DNAH8: variants seen among roughly 807,000 people sequenced by gnomAD.
DNAH8 encodes axonemal beta dynein heavy chain 8.
In DNAH8, 382 loss-of-function variants were observed where a neutral mutation model predicts 562.1. That is an observed-to-expected ratio of 0.68 (90% confidence interval 0.63 to 0.74). The LOEUF (loss-of-function observed/expected upper bound fraction) is 0.74, where lower values mean the gene tolerates loss of function less well. Among genes scored for constraint, DNAH8 ranks in the 30% least tolerant of loss-of-function variants. The pLI, the probability that DNAH8 is intolerant of heterozygous loss-of-function variation, is 0.00. For missense variants in DNAH8, 5,203 were observed against 5,620.4 expected, an observed-to-expected ratio of 0.93 and a Z score of 2.37; for synonymous variants, 1,881 against 1,919.4, an observed-to-expected ratio of 0.98 and a Z score of 0.52.
intron 58 of DNAH8, among the ~76,000 whole-genome samples, chr6:38,891,876 T>G (rs150154284): frequency 1.1e-4 from 17 of 152,210 alleles, no homozygotes; most frequent in African/African-American, 3.9e-4. Flanking sequence ...CTTTACCTCT[T>G]TAATCCATTC....
chr6:38,884,307 T>C lies in DNAH8; in HGVS notation c.8259+309T>C, dbSNP rs113748903. On this transcript the variant is annotated intron_variant, in intron 56 of 92. Transcript: ENST00000327475. ...GCACCCATTAACTCGTCATTTAACATTTTGAGACGGAGTCTTGCTCTCTCA... is the reference window on the plus strand; with the variant it reads ...GCACCCATTAACTCGTCATTTAACACTTTGAGACGGAGTCTTGCTCTCTCA... Among the ~76,000 whole-genome samples, 909 of 152,272 alleles carry C rather than the reference T, an allele frequency of 6.0e-3. 7 individuals carry two copies. Among genetic ancestry groups the C allele is most frequent in the African/African-American group, 0.019 (799 of 41,558 alleles).
At chr6:39,003,393 T>C (rs1386592780) in intron 88 of DNAH8, among the ~76,000 whole-genome samples, 1 of 152,232 alleles carries the variant, frequency 6.6e-6, no homozygotes, top group East Asian at 1.9e-4. Flanking sequence ...TTATGGGGAT[T>C]TATTTTTCTC....
intron 65 of DNAH8, 122 bp downstream of exon 65, chr6:38,909,866 T>A (rs1780753689): frequency 1.2e-6 from 1 of 850,168 alleles, no homozygotes; most frequent in Non-Finnish European, 1.8e-6. Context: ...TATTTTTAGA[T>A]CTTTCTTGCT....
At chr6:38,750,212 T>C (rs1055924988) in intron 8 of DNAH8, among the ~76,000 whole-genome samples, 2 of 152,194 alleles carry the variant, frequency 1.3e-5, no homozygotes, top group African/African-American at 2.4e-5. Context: ...CCTGAAAAAG[T>C]CATTCCTGTT....
chr6:38,953,842 C>CT (rs76740008), intron 82 of DNAH8, among the ~76,000 whole-genome samples: 7,351 of 139,820 alleles, frequency 0.053, 511 homozygotes, highest in African/African-American at 0.16. Context: ...AATCCAATTA[C>CT]TTTTTTTTTT....
chr6:38,988,697 C>T (rs1363002020), intron 87 of DNAH8, among the ~76,000 whole-genome samples: 1 of 152,154 alleles, frequency 6.6e-6, no homozygotes, highest in African/African-American at 2.4e-5. Flanking sequence ...ATTCCCTTAA[C>T]CTGCTTCTCA....
chr6:38,863,786 A>G, intron 44 of DNAH8, 87 bp from the exon 45 acceptor site: 6 of 1,091,534 alleles, frequency 5.5e-6, no homozygotes, highest in Non-Finnish European at 7.9e-6. Context: ...TCAATGTATA[A>G]TGGTTTGGGA....
At chr6:38,929,326 C>T (rs1249045875) in intron 74 of DNAH8, 185 bp from the exon 75 acceptor site, 6 of 533,266 alleles carry the variant, frequency 1.1e-5, no homozygotes, top group African/African-American at 2.0e-5. Flanking sequence ...AGACCCCATT[C>T]AACAAAATCA....
In DNAH8 at chr6:38,868,208, G is replaced by A. The variant is rs1217878207; in HGVS notation, c.6828+12G>A. 6.3e-7 allele frequency: 1 copy of A among 1,593,612 alleles called. No homozygotes were observed. Among genetic ancestry groups the A allele is most frequent in the Non-Finnish European group, 8.5e-7 (1 of 1,173,412 alleles). On this transcript the variant is annotated intron_variant, in intron 48 of 92. Transcript: ENST00000327475. ...ACCTTTCCAAACTGGTATCTTCTCT[G>A]AATTCTCTTCTTTTCCACAATTTTA...
At chr6:38,781,496 A>C in intron 16 of DNAH8, 123 bp downstream of exon 16, 1 of 1,193,150 alleles carries the variant, frequency 8.4e-7, no homozygotes, top group Non-Finnish European at 1.2e-6. Flanking sequence ...TTTACCAGGC[A>C]AGGAAAATTT....
intron 58 of DNAH8, among the ~76,000 whole-genome samples, 176 bp from the exon 59 acceptor site, chr6:38,894,525 G>A (rs988010929): frequency 1.3e-5 from 2 of 152,154 alleles, no homozygotes; most frequent in Non-Finnish European, 2.9e-5. Flanking sequence ...TAAATCCTAA[G>A]TTGGTTTATT....
chr6:38,765,757 T>G (rs1766923663), intron 11 of DNAH8, among the ~76,000 whole-genome samples: 1 of 152,176 alleles, frequency 6.6e-6, no homozygotes, highest in Non-Finnish European at 1.5e-5. Context: ...CCTCCAGCTT[T>G]GCAAATTAAA....
At position 38,842,874 on chromosome 6, in the gene DNAH8, C is replaced by G. The variant is rs898424315; in HGVS notation, c.4816C>G (p.Pro1606Ala). ...TTGCCTTAGAAATATCATGGAAGCA[C>G]CACTCCTTAAACATAAGGATGATAT... ...SFCLRNIMEA[P>A]LLKHKDDIED... Residue 1606 changes from proline to alanine, a missense_variant, in exon 35 of 93, where the codon CCA becomes GCA. Physicochemically the swap from Pro to Ala is conservative, Grantham distance 27. Coordinates refer to ENST00000327475, the MANE Select transcript of DNAH8 (RefSeq NM_001206927.2). 1.2e-6 allele frequency: 2 copies of G among 1,613,552 alleles called. No homozygotes were observed. Among genetic ancestry groups the G allele is most frequent in the African/African-American group, 2.7e-5 (2 of 74,988 alleles).
At chr6:38,829,250 A>T (rs1377578892) in intron 30 of DNAH8, among the ~76,000 whole-genome samples, 1 of 152,126 alleles carries the variant, frequency 6.6e-6, no homozygotes, top group Non-Finnish European at 1.5e-5. Flanking sequence ...CTTATCAGAT[A>T]TGTGATTTGC....
rs151260543 is a variant in DNAH8 at position 38,886,884 on chromosome 6, C to T, written c.8353C>T (p.Leu2785Phe). ...CTTCACTACTATTGTTGATGTGCAG[C>T]TCATAGCAGCAATGATCCACCCTGG... ...GDFTTIVDVQ[L>F]IAAMIHPGGG... is the part of the protein sequence containing the mutation. The change falls in exon 57 of 93, where the codon CTC (leucine) becomes TTC (phenylalanine). Residue 2785 changes from leucine (L) to phenylalanine (F), a missense_variant. By Grantham distance (22) the Leu-to-Phe change is conservative. Coordinates refer to ENST00000327475, the MANE Select transcript of DNAH8 (RefSeq NM_001206927.2). The T allele has an allele frequency of 8.7e-6, 14 of 1,613,838 alleles. No homozygotes were observed. Among genetic ancestry groups the T allele is most frequent in the African/African-American group, 8.0e-5 (6 of 74,918 alleles).
chr6:38,806,392 T>G (rs879344357), intron 23 of DNAH8, among the ~76,000 whole-genome samples: 2 of 152,238 alleles, frequency 1.3e-5, no homozygotes, highest in Non-Finnish European at 2.9e-5. Flanking sequence ...GCATCTAGAT[T>G]TCTGCAGAGT....
chr6:38,719,318 T>C (rs1216570191), intron 1 of DNAH8, among the ~76,000 whole-genome samples: 4 of 152,210 alleles, frequency 2.6e-5, no homozygotes, highest in African/African-American at 9.6e-5. Context: ...TGGAGTATGA[T>C]TAAACCTGTC....
At chr6:38,978,333 C>A (rs563035215) in intron 85 of DNAH8, among the ~76,000 whole-genome samples, 1 of 152,136 alleles carries the variant, frequency 6.6e-6, no homozygotes, top group Non-Finnish European at 1.5e-5. Flanking sequence ...GTTCTTCATT[C>A]GGAAAAGTGT....
At chr6:38,934,302 G>A (rs182143554) in intron 76 of DNAH8, among the ~76,000 whole-genome samples, 3 of 151,262 alleles carry the variant, frequency 2.0e-5, no homozygotes, top group Admixed American at 1.3e-4. Context: ...GCAGTGAGCC[G>A]AGATCACACC....
Sources: gnomAD v4.1 joint callset for allele counts (sites outside exome capture counted in the v4.1 genomes callset) on GRCh38, gnomAD v4.1.1 for gene constraint, MANE v1.5 for transcripts, NCBI Gene and HGNC (gene_info 2026-07-23, HGNC 2026-07-21) for gene names.